Variants in SVEP1 observed in about 807,000 individuals in gnomAD.
SVEP1 encodes the protein sushi, von Willebrand factor type A, EGF and pentraxin domain containing 1, also known as sushi, von Willebrand factor type A, EGF and pentraxin domain-containing protein 1.
In SVEP1, 164 loss-of-function variants were observed where a neutral mutation model predicts 367.3. That is an observed-to-expected ratio of 0.45 (90% CI 0.39 to 0.51). The LOEUF is 0.51. Among genes scored for constraint, SVEP1 ranks in the 20% least tolerant of loss-of-function variants. The probability of loss-of-function intolerance (pLI) is 0.00; values close to 1 mark genes in which losing one functional copy is unlikely to be tolerated. For missense variants in SVEP1, 4,117 were observed against 4,425.3 expected, an observed-to-expected ratio of 0.93 and a Z score of 1.98; for synonymous variants, 1,666 against 1,611.6, an observed-to-expected ratio of 1.03 and a Z score of -0.81.
intron 41 of SVEP1, 64 bp downstream of exon 41, chr9:110,389,460 A>G: frequency 2.5e-6 from 4 of 1,576,696 alleles, no homozygotes; most frequent in Non-Finnish European, 3.5e-6. Context: ...AAGAAAATGT[A>G]GCCACACTGT....
At chr9:110,534,207 T>G (rs1363689128) in intron 3 of SVEP1, among the ~76,000 whole-genome samples, 1 of 152,152 alleles carries the variant, frequency 6.6e-6, no homozygotes, top group Non-Finnish European at 1.5e-5. Flanking sequence ...GGCCCCAGTT[T>G]CTATTGTTTC....
intron 7 of SVEP1, among the ~76,000 whole-genome samples, chr9:110,497,419 A>G: frequency 6.6e-6 from 1 of 152,142 alleles, no homozygotes; most frequent in East Asian, 1.9e-4. Context: ...CATAAAACTC[A>G]ACAAGCTATT....
intron 8 of SVEP1, among the ~76,000 whole-genome samples, chr9:110,491,590 G>GGTGTGTGTGTGT (rs55905097): frequency 0.059 from 8,705 of 147,760 alleles, 318 homozygotes; most frequent in Admixed American, 0.1. Context: ...TATAGAATGG[G>GGTGTGTGTGTGT]GTGTGTGTGT....
At chr9:110,473,631 A>G (rs1448865640) in intron 14 of SVEP1, among the ~76,000 whole-genome samples, 1 of 152,146 alleles carries the variant, frequency 6.6e-6, no homozygotes, top group Non-Finnish European at 1.5e-5. Context: ...CTATTTTTAG[A>G]CTTTTAGGTT....
intron 1 of SVEP1, among the ~76,000 whole-genome samples, chr9:110,559,404 A>G (rs1203377272): frequency 6.6e-6 from 1 of 152,114 alleles, no homozygotes. Context: ...AATACAGTTG[A>G]GCATTTTTGA....
intron 40 of SVEP1, among the ~76,000 whole-genome samples, chr9:110,397,825 G>A (rs185821808): frequency 6.6e-6 from 1 of 151,928 alleles, no homozygotes; most frequent in East Asian, 1.9e-4. Context: ...ACAAACCACT[G>A]CTCAATGAAA....
chr9:110,529,056 G>T (rs2118812510), intron 3 of SVEP1, among the ~76,000 whole-genome samples: 1 of 152,008 alleles, frequency 6.6e-6, no homozygotes, highest in Non-Finnish European at 1.5e-5. Context: ...TTTTTATACG[G>T]TGAGAGACAG....
chr9:110,502,365 G>A (rs1053657085), intron 6 of SVEP1, among the ~76,000 whole-genome samples: 2 of 152,000 alleles, frequency 1.3e-5, no homozygotes, highest in African/African-American at 4.8e-5. Flanking sequence ...GCCTCCCAAA[G>A]TGCTGAGATT....
chr9:110,404,682 AAT>A (rs1827928335), intron 38 of SVEP1, 130 bp from the exon 39 acceptor site: 1 of 837,432 alleles, frequency 1.2e-6, no homozygotes, highest in Admixed American at 2.1e-5. Context: ...TTGCACAATC[AAT>A]ATGTCAGGCG....
intron 1 of SVEP1, among the ~76,000 whole-genome samples, chr9:110,557,496 CCTCCCTCT>C (rs1830369917): frequency 6.6e-6 from 1 of 151,386 alleles, no homozygotes; most frequent in Non-Finnish European, 1.5e-5. Flanking sequence ...TCCCTCCCTC[CCTCCCTCT>C]CTCTCTCTCC....
chr9:110,428,950 G>A (rs1828304405), intron 35 of SVEP1, among the ~76,000 whole-genome samples, 193 bp downstream of exon 35: 2 of 152,206 alleles, frequency 1.3e-5, no homozygotes, highest in South Asian at 4.1e-4. Context: ...CACACCTGTA[G>A]TCCCTGCACT....
rs1367063725 is a variant in SVEP1, at chr9:110,411,326, C to G, written c.6385G>C (p.Gly2129Arg). ...NTSAKIECMR[G>R]GQWNPSPMSI... The stretch of plus-strand genomic sequence containing the variant: ...ATGGGGGAAGGGTTCCACTGCCCAC[C>G]TCTCATACATTCAATCTTTGCTGAG... Residue 2129 changes from glycine to arginine, a missense_variant, in exon 37 of 48, where the codon GGT becomes CGT. By Grantham distance (125) the Gly-to-Arg change is moderately radical. Transcript: ENST00000374469. 6.2e-7 allele frequency: 1 copy of G among 1,614,032 alleles called. No individual in the cohort carries two copies. The highest frequency in any genetic ancestry group is 1.1e-5 in the South Asian group (1 of 91,086).
rs71371668 is a variant in SVEP1, at chr9:110,434,666, T to TAAAAAAAAAAAAA, written c.4889-173_4889-161dup. Among the ~76,000 whole-genome samples the TAAAAAAAAAAAAA allele has an allele frequency of 1.1e-3, 44 of 40,618 alleles. 9 individuals are homozygous for TAAAAAAAAAAAAA. The East Asian group carries it at 0.012, about 11-fold the overall frequency. The allele number at this position is 40,618 out of a possible 152,430, so 26.6% of individuals were successfully genotyped here. A position where few individuals can be genotyped will look rare whatever the true frequency, so the allele number is the denominator to read the frequency against. On this transcript the variant is annotated intron_variant, in intron 29 of 47. Transcript: ENST00000374469. ...CCAGATCACTGGCAAGCAAAATCAC[T>TAAAAAAAAAAAAA]AAAAAAAAAAAAAAAAAAAAGCATT...
intron 2 of SVEP1, among the ~76,000 whole-genome samples, chr9:110,548,810 C>T (rs527933361): frequency 6.6e-6 from 1 of 152,260 alleles, no homozygotes; most frequent in East Asian, 1.9e-4. Flanking sequence ...CTTTGGCCAG[C>T]ATCATCCCTC....
chr9:110,443,042 T>C (rs896770020), intron 27 of SVEP1: 1 of 152,308 alleles, frequency 6.6e-6, no homozygotes, highest in African/African-American at 2.4e-5. Context: ...ACAAGCTTAT[T>C]GCCATGTACA....
chr9:110,491,405 T>G (rs1311797943), intron 8 of SVEP1, among the ~76,000 whole-genome samples: 1 of 152,022 alleles, frequency 6.6e-6, no homozygotes, highest in African/African-American at 2.4e-5. Context: ...ATGGCATCTA[T>G]TTCTGTTTGA....
intron 47 of SVEP1, 57 bp downstream of exon 47, chr9:110,369,866 T>C (rs892480418): frequency 3.5e-6 from 5 of 1,445,704 alleles, no homozygotes; most frequent in Non-Finnish European, 4.8e-6. Context: ...TAGGACAATT[T>C]ACTTGAATTT....
At position 110,375,389 on chromosome 9, in the gene SVEP1, T is replaced by C; in HGVS notation, c.10579A>G (p.Thr3527Ala). Reference sequence around the variant, plus strand: ...CTACCTGTATGACAGCGAGACCCCGTCCAGCCAGGCGGGCAGTCACACTGG... The same window carrying C: ...CTACCTGTATGACAGCGAGACCCCGCCCAGCCAGGCGGGCAGTCACACTGG... ...PYQCDCPPGW[T>A]GSRCHTAVCQ... Residue 3527 changes from threonine (T) to alanine (A), a missense_variant, in exon 46 of 48, where the codon ACG becomes GCG. Thr to Ala is a moderately conservative substitution (Grantham distance 58). Transcript: ENST00000374469. 2 of 1,500,692 alleles carry C rather than the reference T, an allele frequency of 1.3e-6. No individual in the cohort carries two copies. The highest frequency in any genetic ancestry group is 8.9e-7 in the Non-Finnish European group (1 of 1,120,332). The allele number at this position is 1,500,692 out of a possible 1,614,324, so 93.0% of individuals were successfully genotyped here.
At chr9:110,411,987 C>G (rs1828051548) in intron 36 of SVEP1, among the ~76,000 whole-genome samples, 1 of 152,054 alleles carries the variant, frequency 6.6e-6, no homozygotes, top group South Asian at 2.1e-4. Context: ...ATAATATTGA[C>G]TCTTTGAATA....
Sources: gnomAD v4.1 joint callset for allele counts (sites outside exome capture counted in the v4.1 genomes callset) on GRCh38, gnomAD v4.1.1 for gene constraint, MANE v1.5 for transcripts, NCBI Gene and HGNC (gene_info 2026-07-23, HGNC 2026-07-21) for gene names.